Variants in AMN1 observed in about 807,000 individuals in gnomAD.
The protein encoded by AMN1 is antagonist of mitotic exit network 1 homolog, also known as protein AMN1 homolog.
A neutral mutation model predicts 33.0 loss-of-function variants in AMN1; 20 were observed. That is an observed-to-expected ratio of 0.61 (90% CI 0.43 to 0.88). AMN1 has a LOEUF of 0.88. Ranked by LOEUF, AMN1 falls within the 40% of genes least tolerant of loss-of-function variation. The pLI is 0.00. For missense variants in AMN1, 246 were observed against 307.4 expected, an observed-to-expected ratio of 0.80 and a Z score of 1.49; for synonymous variants, 114 against 111.9, an observed-to-expected ratio of 1.02 and a Z score of -0.12.
chr12:31,708,449 G>C (rs189799638), intron 2 of AMN1: 2 of 152,234 alleles, frequency 1.3e-5, no homozygotes, highest in Non-Finnish European at 2.9e-5. Context: ...CTCTGCTCTC[G>C]AACCGTTTTC....
chr12:31,709,434 C>G lies in AMN1; in HGVS notation c.39-9G>C. ...TGAAGCACCAAAGGCATCTGAAATA[C>G]AAATACAATATAGTAAATCACACTG... On this transcript the variant is annotated splice_polypyrimidine_tract_variant and intron_variant, in intron 1 of 6. Transcript: ENST00000281471. 2.5e-6 allele frequency: 4 copies of G among 1,607,088 alleles called. No individual in the cohort carries two copies. Among genetic ancestry groups the G allele is most frequent in the Middle Eastern group, 1.7e-4 (1 of 6,028 alleles).
chr12:31,680,928 C>A, intron 6 of AMN1, among the ~76,000 whole-genome samples: 1 of 152,258 alleles, frequency 6.6e-6, no homozygotes, highest in East Asian at 1.9e-4. Flanking sequence ...CCCCCACAAA[C>A]ACAACCAGCA....
intron 6 of AMN1, among the ~76,000 whole-genome samples, chr12:31,678,482 C>T (rs537372425): frequency 3.3e-5 from 5 of 152,002 alleles, no homozygotes; most frequent in East Asian, 1.9e-4. Flanking sequence ...CTGCAACCTC[C>T]GTCTCCTGGG....
At chr12:31,693,972 C>G (rs542283904) in intron 5 of AMN1, among the ~76,000 whole-genome samples, 23 of 152,236 alleles carry the variant, frequency 1.5e-4, no homozygotes, top group African/African-American at 5.5e-4. Context: ...CATTCAGCCT[C>G]TTGTCAATCT....
chr12:31,678,412 G>A (rs927032825), intron 6 of AMN1, among the ~76,000 whole-genome samples: 36 of 142,574 alleles, frequency 2.5e-4, no homozygotes, highest in Admixed American at 2.4e-3. Context: ...TTTTTTTTAT[G>A]TTGAGACAGA....
chr12:31,723,127 C>T (rs1239383565), intron 1 of AMN1, among the ~76,000 whole-genome samples: 1 of 151,930 alleles, frequency 6.6e-6, no homozygotes, highest in Non-Finnish European at 1.5e-5. Flanking sequence ...CACTGCACTC[C>T]AGCCTGGGCA....
At chr12:31,721,282 A>G (rs1270795456) in intron 1 of AMN1, among the ~76,000 whole-genome samples, 1 of 152,186 alleles carries the variant, frequency 6.6e-6, no homozygotes, top group Non-Finnish European at 1.5e-5. Flanking sequence ...TGGATGCTCA[A>G]TGGGAGGTAC....
At position 31,685,800 on chromosome 12, in the gene AMN1, C is replaced by CAAA. The variant is rs10525163; in HGVS notation, c.703+3204_703+3206dup. On this transcript the variant is annotated intron_variant, in intron 6 of 6. Transcript: ENST00000281471. ...TGGGCGACAGAGCAAGACTCATTAT[C>CAAA]AAAAAAAAAAGAAAGAAAGAAAGAA... Among the ~76,000 whole-genome samples the CAAA allele has an allele frequency of 1.7e-4, 20 of 120,970 alleles. 1 individual carries two copies. The highest frequency in any genetic ancestry group is 9.6e-4 in the East Asian group (4 of 4,174). The allele number at this position is 120,970 out of a possible 152,430, so 79.4% of individuals were successfully genotyped here. A position where few individuals can be genotyped will look rare whatever the true frequency, so the allele number is the denominator to read the frequency against.
intron 6 of AMN1, among the ~76,000 whole-genome samples, chr12:31,686,284 A>G (rs1434076134): frequency 1.3e-5 from 2 of 151,926 alleles, no homozygotes; most frequent in Non-Finnish European, 1.5e-5. Context: ...TGTCTCTACT[A>G]AAATACAAAA....
chr12:31,702,799 G>A (rs566969383), intron 2 of AMN1, among the ~76,000 whole-genome samples: 73 of 152,208 alleles, frequency 4.8e-4, no homozygotes, highest in African/African-American at 1.5e-3. Flanking sequence ...GTGCAATGGC[G>A]TGATCTCGGC....
chr12:31,717,707 T>C (rs1034588630), intron 1 of AMN1, among the ~76,000 whole-genome samples: 1 of 152,132 alleles, frequency 6.6e-6, no homozygotes, highest in African/African-American at 2.4e-5. Context: ...TAGTTAACTT[T>C]TTTTTTTTAA....
Position 31,689,125 on chromosome 12 carries a change from A to G in AMN1, c.592-7T>C. The G allele has an allele frequency of 6.4e-7, 1 of 1,562,326 alleles. No individual in the cohort carries two copies. Among genetic ancestry groups the G allele is most frequent in the Non-Finnish European group, 8.8e-7 (1 of 1,137,276 alleles). On this transcript the variant is annotated splice_polypyrimidine_tract_variant and splice_region_variant and intron_variant, in intron 5 of 6. Coordinates refer to ENST00000281471, the MANE Select transcript of AMN1 (RefSeq NM_001113402.2). The stretch of plus-strand genomic sequence containing the variant: ...AATGTCCCATATGAATCTCCTATGC[A>G]AAAATAAAGAAAATAAAGTCAAATG...
intron 2 of AMN1, among the ~76,000 whole-genome samples, chr12:31,705,348 A>G (rs1387586884): frequency 6.6e-6 from 1 of 151,990 alleles, no homozygotes; most frequent in African/African-American, 2.4e-5. Flanking sequence ...AAATACAAAA[A>G]TTAGCTGGAT....
At chr12:31,705,689 T>C (rs1939206092) in intron 2 of AMN1, among the ~76,000 whole-genome samples, 2 of 152,150 alleles carry the variant, frequency 1.3e-5, no homozygotes, top group Admixed American at 1.3e-4. Flanking sequence ...TCTGCCTTTC[T>C]TCATGGTCCA....
intron 1 of AMN1, among the ~76,000 whole-genome samples, chr12:31,721,211 A>G (rs1939867149): frequency 6.6e-6 from 1 of 152,222 alleles, no homozygotes; most frequent in South Asian, 2.1e-4. Context: ...GAAATTATCA[A>G]GGACCGTGGA....
intron 3 of AMN1, among the ~76,000 whole-genome samples, chr12:31,700,812 CCCGAGTAGCT>C (rs2139693104): frequency 6.6e-6 from 1 of 151,952 alleles, no homozygotes; most frequent in South Asian, 2.1e-4. Flanking sequence ...ACCTCAGCCT[CCCGAGTAGCT>C]GGGACTACAG....
intron 3 of AMN1, among the ~76,000 whole-genome samples, chr12:31,700,232 G>A (rs1217772454): frequency 6.6e-6 from 1 of 151,926 alleles, no homozygotes; most frequent in Non-Finnish European, 1.5e-5. Context: ...GGGTGGTGGT[G>A]CACATCTGCG....
chr12:31,721,659 C>T (rs982411636), intron 1 of AMN1, among the ~76,000 whole-genome samples: 14 of 152,312 alleles, frequency 9.2e-5, no homozygotes, highest in South Asian at 4.1e-4. Context: ...ACAAACAACA[C>T]GTCCTTGGTC....
chr12:31,676,133 A>G (rs1937684640), intron 6 of AMN1, among the ~76,000 whole-genome samples: 1 of 151,802 alleles, frequency 6.6e-6, no homozygotes, highest in Non-Finnish European at 1.5e-5. Context: ...AATAAATCAA[A>G]TGAAAGTGAA....
Sources: allele counts gnomAD v4.1 joint callset (sites outside exome capture counted in the v4.1 genomes callset), GRCh38; gene constraint gnomAD v4.1.1; transcripts MANE v1.5; gene names NCBI Gene and HGNC (gene_info 2026-07-23, HGNC 2026-07-21).